Variants in SAMMSON observed in about 807,000 individuals in gnomAD.
SAMMSON encodes survival associated mitochondrial melanoma specific oncogenic non-coding RNA.
chr3:70,305,797 G>C (rs1035756107), intron 7 of SAMMSON, among the ~76,000 whole-genome samples: 1 of 152,188 alleles, frequency 6.6e-6, no homozygotes, highest in African/African-American at 2.4e-5. Flanking sequence ...ATGTGGGAAA[G>C]ATTCTCAGTT....
At chr3:70,059,387 G>C (rs956929350) in intron 3 of SAMMSON, among the ~76,000 whole-genome samples, 4 of 151,992 alleles carry the variant, frequency 2.6e-5, no homozygotes, top group African/African-American at 9.7e-5. Flanking sequence ...ACAATTATGG[G>C]AGTTGAGAAT....
At chr3:70,302,738 G>A (rs1175704378) in intron 7 of SAMMSON, 5 of 152,100 alleles carry the variant, frequency 3.3e-5, no homozygotes, top group South Asian at 2.1e-4. Context: ...ATCATTGAAC[G>A]AGAGTCTCTA....
Position 70,054,578 on chromosome 3 carries a change from G to A in SAMMSON, n.418-16898G>A, listed in dbSNP as rs192909969. ...TCTGTGACTTACTCAAGTCTAGCAG[G>A]CTAAACTTGACCATGGTCACCATGT... On this transcript the variant is annotated intron_variant and non_coding_transcript_variant, in intron 3 of 9. Transcript: ENST00000642114. Among the ~76,000 whole-genome samples, 221 of 152,136 alleles carry A rather than the reference G, an allele frequency of 1.5e-3. 2 individuals are homozygous for A. Among genetic ancestry groups the A allele is most frequent in the Non-Finnish European group, 1.6e-3 (106 of 67,982 alleles).
intron 4 of SAMMSON, among the ~76,000 whole-genome samples, chr3:70,139,856 C>A (rs1029325469): frequency 2.0e-5 from 3 of 152,176 alleles, no homozygotes; most frequent in African/African-American, 7.2e-5. Flanking sequence ...GCTGACTAAT[C>A]TCCCCATTGT....
chr3:70,238,049 T>C (rs1449380799), intron 4 of SAMMSON, among the ~76,000 whole-genome samples: 4 of 132,638 alleles, frequency 3.0e-5, no homozygotes, highest in African/African-American at 1.1e-4. Context: ...CTGTACTTTA[T>C]AGTGACGAAC....
At chr3:70,230,413 C>T (rs1178357730) in intron 4 of SAMMSON, among the ~76,000 whole-genome samples, 1 of 152,054 alleles carries the variant, frequency 6.6e-6, no homozygotes, top group East Asian at 1.9e-4. Context: ...TGGTGTCAAA[C>T]GCTTATTTTT....
At chr3:70,303,696 T>A (rs1702371647) in intron 7 of SAMMSON, among the ~76,000 whole-genome samples, 1 of 152,310 alleles carries the variant, frequency 6.6e-6, no homozygotes, top group Non-Finnish European at 1.5e-5. Flanking sequence ...TATTTTATTT[T>A]TCTGAGGTGG....
At chr3:70,266,229 G>T (rs1255783982) in intron 6 of SAMMSON, among the ~76,000 whole-genome samples, 1 of 151,912 alleles carries the variant, frequency 6.6e-6, no homozygotes, top group Non-Finnish European at 1.5e-5. Context: ...TTTCAGCTTT[G>T]TATTTTTGTG....
chr3:70,107,603 T>G (rs2067371670), intron 4 of SAMMSON, among the ~76,000 whole-genome samples: 1 of 43,564 alleles, frequency 2.3e-5, no homozygotes. Flanking sequence ...CTTCCTTAGT[T>G]TTTTTTTTTT....
At chr3:70,038,628 T>C (rs2067095159) in intron 3 of SAMMSON, among the ~76,000 whole-genome samples, 1 of 152,196 alleles carries the variant, frequency 6.6e-6, no homozygotes, top group Non-Finnish European at 1.5e-5. Context: ...AAGGTTGAGG[T>C]AACTGTTATT....
At chr3:70,228,327 C>A (rs73117920) in intron 4 of SAMMSON, among the ~76,000 whole-genome samples, 5,535 of 151,934 alleles carry the variant, frequency 0.036, 128 homozygotes, top group Middle Eastern at 0.061. Flanking sequence ...AAAATCTTTT[C>A]TTTAATCAAA....
intron 4 of SAMMSON, chr3:70,126,255 CT>C (rs34272654): frequency 0.18 from 138,965 of 781,248 alleles, 196 homozygotes; most frequent in East Asian, 0.33. Context: ...GTCATCAGAC[CT>C]TTTTTTTTTT....
intron 6 of SAMMSON, among the ~76,000 whole-genome samples, chr3:70,262,417 C>T (rs879371158): frequency 6.6e-6 from 1 of 152,008 alleles, no homozygotes; most frequent in Non-Finnish European, 1.5e-5. Flanking sequence ...TTAAAAGATG[C>T]GGATGCATTC....
At chr3:70,398,917 G>C (rs972148756) in intron 2 of SAMMSON, among the ~76,000 whole-genome samples, 1 of 152,166 alleles carries the variant, frequency 6.6e-6, no homozygotes, top group Non-Finnish European at 1.5e-5. Context: ...ATATATGCAA[G>C]TTAATAGACT....
Position 70,137,212 on chromosome 3 carries a change from G to T in SAMMSON, n.507+65647G>T, listed in dbSNP as rs181110981. Among the ~76,000 whole-genome samples the T allele has an allele frequency of 3.8e-4, 58 of 152,246 alleles. 1 individual carries two copies. Among genetic ancestry groups the T allele is most frequent in the Middle Eastern group, 3.4e-3 (1 of 294 alleles). On this transcript the variant is annotated intron_variant and non_coding_transcript_variant, in intron 4 of 9. Coordinates refer to ENST00000642114, the Ensembl canonical transcript of SAMMSON. ...GCCTTTTTTACAAATGTAAAATCAT[G>T]CTCTACATACTACTTTGCAATATAT...
At chr3:70,364,666 C>G (rs1559573282) in intron 9 of SAMMSON, among the ~76,000 whole-genome samples, 1 of 151,818 alleles carries the variant, frequency 6.6e-6, no homozygotes, top group Non-Finnish European at 1.5e-5. Flanking sequence ...TTTATTTTAT[C>G]CAGGACATTT....
chr3:70,278,599 A>G (rs1522346), intron 6 of SAMMSON, among the ~76,000 whole-genome samples: 89,750 of 151,338 alleles, frequency 0.59, 27,903 homozygotes, highest in Non-Finnish European at 0.7. Context: ...ATAGATTTGA[A>G]TGCCTTTATT....
At chr3:70,048,026 G>C (rs537724106) in intron 3 of SAMMSON, among the ~76,000 whole-genome samples, 167 of 152,106 alleles carry the variant, frequency 1.1e-3, no homozygotes, top group Non-Finnish European at 2.3e-3. Flanking sequence ...TCAAATCATA[G>C]CAATGATTTG....
intron 1 of SAMMSON, among the ~76,000 whole-genome samples, chr3:70,011,057 A>T (rs2066953229): frequency 6.6e-6 from 1 of 152,100 alleles, no homozygotes; most frequent in African/African-American, 2.4e-5. Flanking sequence ...TATCAGCCGT[A>T]TACTGCCCTG....
Sources: gnomAD v4.1 joint callset for allele counts (sites outside exome capture counted in the v4.1 genomes callset) on GRCh38, gnomAD v4.1.1 for gene constraint, MANE v1.5 for transcripts, NCBI Gene and HGNC (gene_info 2026-07-23, HGNC 2026-07-21) for gene names.